Variants in SEC14L5 observed in about 807,000 individuals in gnomAD.
SEC14L5 encodes SEC14-like protein 5.
A neutral mutation model predicts 84.6 loss-of-function variants in SEC14L5; 96 were observed. The ratio of observed to expected loss-of-function variants is 1.13; its 90% CI spans 0.96 to 1.34. The LOEUF (loss-of-function observed/expected upper bound fraction) is 1.34, where lower values mean the gene tolerates loss of function less well. Among genes scored for constraint, SEC14L5 ranks in the 40% most tolerant of loss-of-function variants. SEC14L5 has a pLI of 0.00. For synonymous variants in SEC14L5, 546 were observed against 383.4 expected (o/e 1.42, Z -4.95); for missense variants, 1,224 against 942.5 (o/e 1.30, Z -3.91).
intron 8 of SEC14L5, among the ~76,000 whole-genome samples, chr16:4,998,052 G>A (rs1208655200): frequency 1.4e-5 from 2 of 140,682 alleles, no homozygotes. Context: ...CACCCAGGCT[G>A]GAGTGCAATG....
chr16:4,958,976 G>C (rs2142463606), intron 1 of SEC14L5, among the ~76,000 whole-genome samples: 1 of 151,982 alleles, frequency 6.6e-6, no homozygotes, highest in Non-Finnish European at 1.5e-5. Context: ...ATGTGTGTGT[G>C]TCTGTGTGGG....
rs1165850183 is a variant in SEC14L5, at chr16:4,996,234, T to A, written c.668-114T>A. The A allele has an allele frequency of 4.5e-6, 3 of 660,864 alleles. No homozygotes were observed. The African/African-American group carries it at 5.4e-5, about 12-fold the overall frequency. The allele number at this position is 660,864 out of a possible 1,614,324, so 40.9% of individuals were successfully genotyped here. ...GTCTGGGGCGGGGGCTTAGCCTGGTTTGGAACCACGTTTTAGAGTCAGTGA... is the reference window on the plus strand; with the variant it reads ...GTCTGGGGCGGGGGCTTAGCCTGGTATGGAACCACGTTTTAGAGTCAGTGA... On this transcript the variant is annotated intron_variant, in intron 6 of 15. Transcript: ENST00000251170.
intron 2 of SEC14L5, among the ~76,000 whole-genome samples, chr16:4,983,604 C>T (rs901360368): frequency 1.3e-5 from 2 of 150,968 alleles, no homozygotes; most frequent in Non-Finnish European, 2.9e-5. Context: ...TGGCCAGGCG[C>T]GGTGGCTCAC....
At chr16:4,992,481 AGCTCAAGTGATCT>A (rs1955563224) in intron 6 of SEC14L5, among the ~76,000 whole-genome samples, 1 of 152,126 alleles carries the variant, frequency 6.6e-6, no homozygotes, top group South Asian at 2.1e-4. Flanking sequence ...CAAACTCCTG[AGCTCAAGTGATCT>A]GCTTGCCTTG....
intron 2 of SEC14L5, among the ~76,000 whole-genome samples, chr16:4,967,225 G>C (rs1207699988): frequency 1.3e-5 from 2 of 152,148 alleles, no homozygotes; most frequent in African/African-American, 4.8e-5. Flanking sequence ...ATCTGCTCCT[G>C]GCCTCTCTCC....
chr16:4,964,569 G>GT (rs2142471967), intron 2 of SEC14L5, among the ~76,000 whole-genome samples: 1 of 152,054 alleles, frequency 6.6e-6, no homozygotes, highest in South Asian at 2.1e-4. Context: ...GGGTGACAGA[G>GT]TGTGACCCTA....
chr16:4,990,068 C>T (rs970760602), intron 4 of SEC14L5, among the ~76,000 whole-genome samples: 13 of 151,254 alleles, frequency 8.6e-5, no homozygotes, highest in Non-Finnish European at 1.5e-4. Context: ...TAATATACAA[C>T]TATTTAAAAA....
At chr16:4,996,730 C>A in intron 7 of SEC14L5, 125 bp from the exon 8 acceptor site, 1 of 747,240 alleles carries the variant, frequency 1.3e-6, no homozygotes, top group Non-Finnish European at 2.2e-6. Flanking sequence ...CACCACCACG[C>A]CTGGCTAATT....
rs1955882811 is a variant in SEC14L5, at chr16:5,017,073, T to G, written c.*2103T>G. 1 of 152,130 alleles carries G rather than the reference T, an allele frequency of 6.6e-6. No homozygotes were observed. The highest frequency in any genetic ancestry group is 1.5e-5 in the Non-Finnish European group (1 of 68,028). 9.4% of individuals were successfully genotyped at this position (152,130 alleles called of 1,614,324 possible). A position where few individuals can be genotyped will look rare whatever the true frequency, so the allele number is the denominator to read the frequency against. On this transcript the variant is annotated 3_prime_UTR_variant, in exon 16 of 16. Coordinates refer to ENST00000251170, the MANE Select transcript of SEC14L5 (RefSeq NM_014692.2). ...AAAACTAGGTGTTATCCTACAAGTA[T>G]GCTGGGATAAGCTGCCCTGGCAGTC...
chr16:4,989,853 C>G (rs964675195), intron 4 of SEC14L5, among the ~76,000 whole-genome samples: 1 of 152,030 alleles, frequency 6.6e-6, no homozygotes, highest in Admixed American at 6.6e-5. Context: ...GGGCCCCAAC[C>G]TGGAAGTGTC....
At chr16:4,990,264 G>A (rs982256746) in intron 4 of SEC14L5, among the ~76,000 whole-genome samples, 3 of 151,972 alleles carry the variant, frequency 2.0e-5, no homozygotes, top group Non-Finnish European at 4.4e-5. Flanking sequence ...CCAGGTTCAA[G>A]CGATTCTCCT....
chr16:4,988,307 A>C lies in SEC14L5; in HGVS notation c.345+27A>C, dbSNP rs199662303. The C allele has an allele frequency of 2.6e-5, 42 of 1,610,346 alleles. No individual in the cohort carries two copies. The Admixed American group carries it at 4.4e-4, about 17-fold the overall frequency. ...TGAGCCCAGGCCACCCTCAGCGCCC[A>C]CGCCCGGCACCCACCTGCGCCCGGC... On this transcript the variant is annotated intron_variant, in intron 4 of 15. Coordinates refer to ENST00000251170, the MANE Select transcript of SEC14L5 (RefSeq NM_014692.2).
intron 15 of SEC14L5, 25 bp downstream of exon 15, chr16:5,011,298 C>T: frequency 2.5e-6 from 4 of 1,605,504 alleles, no homozygotes; most frequent in South Asian, 1.1e-5. Flanking sequence ...GAGCGGGGTC[C>T]TGGGCAGGAA....
chr16:4,983,694 TG>T (rs1333954464), intron 2 of SEC14L5, among the ~76,000 whole-genome samples: 6 of 151,704 alleles, frequency 4.0e-5, no homozygotes, highest in Non-Finnish European at 7.4e-5. Context: ...CTGACCAACA[TG>T]GTGAAACCCC....
intron 2 of SEC14L5, among the ~76,000 whole-genome samples, chr16:4,982,459 G>A (rs1236992937): frequency 6.6e-6 from 1 of 152,150 alleles, no homozygotes; most frequent in Non-Finnish European, 1.5e-5. Flanking sequence ...CTCCCTGAGC[G>A]TAGGTTCATG....
rs1011490693 is a variant in SEC14L5, at chr16:5,000,763, C to G, written c.1059+20C>G. The G allele has an allele frequency of 1.2e-5, 18 of 1,554,426 alleles. No individual in the cohort carries two copies. Among genetic ancestry groups the G allele is most frequent in the African/African-American group, 6.8e-5 (5 of 73,224 alleles). Reference sequence around the variant, plus strand: ...CGGCATGTGAGTCAGGGGCCTCGTTCCTGGACGCCGTGCCTGGGGCCGGGC... The same window carrying G: ...CGGCATGTGAGTCAGGGGCCTCGTTGCTGGACGCCGTGCCTGGGGCCGGGC... On this transcript the variant is annotated intron_variant, in intron 9 of 15. Coordinates refer to ENST00000251170, the MANE Select transcript of SEC14L5 (RefSeq NM_014692.2).
rs549135856 is a variant in SEC14L5 at position 4,990,911 on chromosome 16, C to A, written c.474+16C>A. 12 of 1,552,260 alleles carry A rather than the reference C, an allele frequency of 7.7e-6. No homozygotes were observed. Among genetic ancestry groups the A allele is most frequent in the East Asian group, 2.4e-5 (1 of 41,790 alleles). The stretch of plus-strand genomic sequence containing the variant: ...CGTCAAGAGGGTAAGCGGTGGGTTG[C>A]GTTAGTTACTGGAGGAAGGTGCACA... On this transcript the variant is annotated intron_variant, in intron 5 of 15. Transcript: ENST00000251170.
chr16:4,959,624 T>C (rs1052717718), intron 2 of SEC14L5, among the ~76,000 whole-genome samples: 1 of 152,090 alleles, frequency 6.6e-6, no homozygotes, highest in Non-Finnish European at 1.5e-5. Flanking sequence ...GCTGACCTGC[T>C]CCCTTACTTT....
At chr16:4,972,762 C>G (rs1955296303) in intron 2 of SEC14L5, among the ~76,000 whole-genome samples, 1 of 152,144 alleles carries the variant, frequency 6.6e-6, no homozygotes, top group Non-Finnish European at 1.5e-5. Context: ...GTGTTTTCCC[C>G]CTTTTGATCA....
Sources: allele counts gnomAD v4.1 joint callset (sites outside exome capture counted in the v4.1 genomes callset), GRCh38; gene constraint gnomAD v4.1.1; transcripts MANE v1.5; gene names NCBI Gene and HGNC (gene_info 2026-07-23, HGNC 2026-07-21).